Variants in MEIOB observed in about 807,000 individuals in gnomAD.
MEIOB encodes meiosis specific with OB-fold, also known as meiosis-specific with OB domain-containing protein.
Under a neutral mutation model 53.1 loss-of-function variants are expected in MEIOB, and 50 were observed. That is an observed-to-expected ratio of 0.94 (90% confidence interval 0.75 to 1.19). The LOEUF (loss-of-function observed/expected upper bound fraction) is 1.19, where lower values mean the gene tolerates loss of function less well. MEIOB is among the 50% of genes most tolerant of loss of function. The pLI is 0.00. For synonymous variants in MEIOB, 192 were observed against 182.5 expected, an observed-to-expected ratio of 1.05 and a Z score of -0.42; for missense variants, 551 against 550.8, an observed-to-expected ratio of 1.00 and a Z score of 0.00.
Position 1,854,778 on chromosome 16 carries a change from T to C in MEIOB, c.529-578A>G, listed in dbSNP as rs182335419. Among the ~76,000 whole-genome samples, 432 of 151,866 alleles carry C rather than the reference T, an allele frequency of 2.8e-3. 3 individuals carry two copies. Among genetic ancestry groups the C allele is most frequent in the Middle Eastern group, 0.024 (7 of 294 alleles). On this transcript the variant is annotated intron_variant, in intron 6 of 13. Transcript: ENST00000325962. ...CTTTGACACTGTCCAATTCTGTCCA[T>C]TGTGGGGTAAGATGATCAAAGAAGT...
chr16:1,854,285 C>T (rs1358646627), intron 6 of MEIOB, 85 bp from the exon 7 acceptor site: 1 of 736,208 alleles, frequency 1.4e-6, no homozygotes, highest in Non-Finnish European at 2.3e-6. Flanking sequence ...AAATGTTCAC[C>T]TTTTAAACAC....
Position 1,857,862 on chromosome 16 carries a change from G to T in MEIOB, c.401C>A (p.Thr134Lys), listed in dbSNP as rs1450235863. 6.4e-7 allele frequency: 1 copy of T among 1,551,076 alleles called. No homozygotes were observed. Residue 134 changes from threonine to lysine, a missense_variant, in exon 6 of 14, where the codon ACA becomes AAA. Coordinates refer to ENST00000325962, the MANE Select transcript of MEIOB (RefSeq NM_001163560.3). ...TAAATGTATCAAAGAAAGTAACTTT[G>T]TGTCCACTTCATAACTGGAACAAAC... is the stretch of plus-strand genomic sequence containing the variant. ...VKVCSSYEVD[T>K]KLLSLIHLPV...
intron 5 of MEIOB, among the ~76,000 whole-genome samples, chr16:1,859,269 C>T (rs185829957): frequency 1.3e-5 from 2 of 152,310 alleles, no homozygotes; most frequent in African/African-American, 2.4e-5. Context: ...TGGCCAGGCG[C>T]GGTGGCTCAC....
At position 1,836,253 on chromosome 16, in the gene MEIOB, G is replaced by A. The variant is rs189886036; in HGVS notation, c.1305+1531C>T. ...AATACTGTGTTACCTAATGCACGAA[G>A]CAGCTTGTCCATAATTATGAATATT... On this transcript the variant is annotated intron_variant, in intron 13 of 13. Transcript: ENST00000325962. 2.4e-4 allele frequency among the ~76,000 whole-genome samples: 36 copies of A among 152,260 alleles called. No individual in the cohort carries two copies. The East Asian group carries it at 6.7e-3, about 29-fold the overall frequency.
intron 6 of MEIOB, 170 bp downstream of exon 6, chr16:1,857,565 G>A: frequency 7.3e-6 from 4 of 546,054 alleles, no homozygotes; most frequent in Non-Finnish European, 1.3e-5. Flanking sequence ...CAGATAAAAA[G>A]CTAGTTTCCC....
chr16:1,840,474 T>G (rs1268965817), intron 11 of MEIOB, among the ~76,000 whole-genome samples: 1 of 151,990 alleles, frequency 6.6e-6, no homozygotes, highest in African/African-American at 2.4e-5. Flanking sequence ...GGCTGTGACA[T>G]GGTACTATCA....
chr16:1,848,095 G>A (rs896594051), intron 9 of MEIOB, among the ~76,000 whole-genome samples: 4 of 150,872 alleles, frequency 2.7e-5, no homozygotes, highest in African/African-American at 7.3e-5. Context: ...TCACAGGCAC[G>A]CGCCACCATG....
intron 10 of MEIOB, among the ~76,000 whole-genome samples, chr16:1,842,538 G>A (rs1023656190): frequency 8.3e-5 from 12 of 144,696 alleles, no homozygotes; most frequent in African/African-American, 2.3e-4. Flanking sequence ...CAGGAGAATC[G>A]CTTGAATCCA....
chr16:1,863,371 T>TC (rs1899501620), intron 3 of MEIOB, among the ~76,000 whole-genome samples: 2 of 151,486 alleles, frequency 1.3e-5, no homozygotes, highest in South Asian at 2.1e-4. Flanking sequence ...GTTTTTTTTT[T>TC]AGTAAAAACG....
chr16:1,848,539 T>TCTTC, intron 9 of MEIOB, among the ~76,000 whole-genome samples: 1 of 142,746 alleles, frequency 7.0e-6, no homozygotes, highest in Non-Finnish European at 1.5e-5. Context: ...CTTTTTTTTT[T>TCTTC]TTTCCTTTTT....
intron 13 of MEIOB, among the ~76,000 whole-genome samples, chr16:1,837,463 A>G (rs1898781282): frequency 1.3e-5 from 2 of 152,088 alleles, no homozygotes; most frequent in Non-Finnish European, 2.9e-5. Context: ...ACCTCAGCCT[A>G]CCAAGTAGCT....
chr16:1,861,888 A>T, intron 4 of MEIOB, 97 bp downstream of exon 4: 1 of 1,230,664 alleles, frequency 8.1e-7, no homozygotes, highest in Non-Finnish European at 1.1e-6. Context: ...AGAATTACGA[A>T]CTGTGTCTCA....
At position 1,857,756 on chromosome 16, in the gene MEIOB, G is replaced by T; in HGVS notation, c.507C>A (p.Asn169Lys). The T allele has an allele frequency of 6.4e-7, 1 of 1,551,496 alleles. No individual in the cohort carries two copies. The highest frequency in any genetic ancestry group is 8.7e-7 in the Non-Finnish European group (1 of 1,146,908). ...NGHSLNGRIINVLAAVKSVGE... is the reference protein window; with the variant it reads ...NGHSLNGRIIKVLAAVKSVGE... ...TTACCGATTTCACAGCTGCAAGCAC[G>T]TTAATAATCCTCCCATTAAGACTGT... The change falls in exon 6 of 14, where the codon AAC becomes AAA. Residue 169 changes from asparagine (N) to lysine (K), a missense_variant. Physicochemically the swap from Asn to Lys is moderately conservative, Grantham distance 94 (BLOSUM62 0). Coordinates refer to ENST00000325962, the MANE Select transcript of MEIOB (RefSeq NM_001163560.3).
intron 1 of MEIOB, among the ~76,000 whole-genome samples, chr16:1,870,638 C>T (rs1418949338): frequency 6.6e-6 from 1 of 152,226 alleles, no homozygotes; most frequent in Non-Finnish European, 1.5e-5. Context: ...TGTTCACAGG[C>T]TCACAGTCAA....
chr16:1,854,486 GC>G (rs1899251727), intron 6 of MEIOB, among the ~76,000 whole-genome samples: 1 of 152,190 alleles, frequency 6.6e-6, no homozygotes, highest in African/African-American at 2.4e-5. Context: ...TCCATGACAG[GC>G]CCCTCTGGGG....
Position 1,854,188 on chromosome 16 carries a change from T to C in MEIOB, c.541A>G (p.Lys181Glu). 6.5e-7 allele frequency: 1 copy of C among 1,544,442 alleles called. No individual in the cohort carries two copies. Among genetic ancestry groups the C allele is most frequent in the Non-Finnish European group, 8.8e-7 (1 of 1,141,024 alleles). The change falls in exon 7 of 14, where the codon AAA becomes GAA. Residue 181 changes from lysine (K) to glutamate (E), a missense_variant. Physicochemically the swap from Lys to Glu is moderately conservative, Grantham distance 56 (BLOSUM62 1). Coordinates refer to ENST00000325962, the MANE Select transcript of MEIOB (RefSeq NM_001163560.3). ...LAAVKSVGEPKYFTTSDRRKG... is the reference protein window; with the variant it reads ...LAAVKSVGEPEYFTTSDRRKG... ...CTCCGGTCTGAAGTTGTAAAGTATTTTGGCTCTCCAACCTTAGAAATGGAA... is the reference window on the plus strand; with the variant it reads ...CTCCGGTCTGAAGTTGTAAAGTATTCTGGCTCTCCAACCTTAGAAATGGAA...
At chr16:1,858,922 G>T (rs982673406) in intron 5 of MEIOB, among the ~76,000 whole-genome samples, 2 of 152,086 alleles carry the variant, frequency 1.3e-5, no homozygotes, top group Non-Finnish European at 2.9e-5. Context: ...TCACTTCCAT[G>T]AATACTGAGA....
At chr16:1,861,749 G>A (rs971725422) in intron 4 of MEIOB, among the ~76,000 whole-genome samples, 1 of 151,784 alleles carries the variant, frequency 6.6e-6, no homozygotes, top group South Asian at 2.1e-4. Flanking sequence ...TGCTCAGGCT[G>A]GTCTCGAACT....
At chr16:1,867,770 C>T (rs954847134) in intron 2 of MEIOB, among the ~76,000 whole-genome samples, 1 of 152,022 alleles carries the variant, frequency 6.6e-6, no homozygotes, top group African/African-American at 2.4e-5. Context: ...CTGTGCCTGG[C>T]CTGGTTTAAT....
Sources: gnomAD v4.1 joint callset for allele counts (sites outside exome capture counted in the v4.1 genomes callset) on GRCh38, gnomAD v4.1.1 for gene constraint, MANE v1.5 for transcripts, NCBI Gene and HGNC (gene_info 2026-07-23, HGNC 2026-07-21) for gene names.